PARD3B: variants seen among roughly 807,000 people sequenced by gnomAD.
The protein encoded by PARD3B is partitioning defective 3 homolog B.
A neutral mutation model predicts 130.2 loss-of-function variants in PARD3B; 103 were observed. The observed-to-expected ratio is 0.79, with a 90% CI of 0.67 to 0.93. PARD3B has a LOEUF of 0.93. Among genes scored for constraint, PARD3B ranks in the 40% least tolerant of loss-of-function variants. PARD3B has a pLI of 0.00. For missense variants in PARD3B, 1,609 were observed against 1,499.2 expected (o/e 1.07, Z -1.21); for synonymous variants, 583 against 553.2 (o/e 1.05, Z -0.76).
intron 16 of PARD3B, among the ~76,000 whole-genome samples, chr2:205,279,095 A>AAAAG (rs2041087997): frequency 6.6e-6 from 1 of 150,818 alleles, no homozygotes; most frequent in Admixed American, 6.6e-5. Flanking sequence ...AAAAAAAAAA[A>AAAAG]ACAGTTGTTC....
chr2:204,640,576 TGTG>T (rs112945331), intron 1 of PARD3B, among the ~76,000 whole-genome samples: 5,746 of 152,166 alleles, frequency 0.038, 365 homozygotes, highest in African/African-American at 0.13. Context: ...GCTAAGTTCT[TGTG>T]GTGACTAGAC....
intron 1 of PARD3B, among the ~76,000 whole-genome samples, chr2:204,574,347 A>G (rs2032149639): frequency 1.3e-5 from 2 of 152,188 alleles, no homozygotes; most frequent in Admixed American, 1.3e-4. Flanking sequence ...TACTTTATTC[A>G]TAATAAATTT....
At chr2:205,053,469 T>G (rs1477944604) in intron 4 of PARD3B, among the ~76,000 whole-genome samples, 1 of 151,876 alleles carries the variant, frequency 6.6e-6, no homozygotes, top group Non-Finnish European at 1.5e-5. Flanking sequence ...AGACCCCGTC[T>G]CTACTAAAAA....
Position 204,686,257 on chromosome 2 carries a change from C to T in PARD3B, c.197C>T (p.Ala66Val), listed in dbSNP as rs773240586. The change falls in exon 2 of 23, where the codon GCA (alanine) becomes GTA (valine). Residue 66 changes from alanine to valine, a missense_variant. Physicochemically the swap from Ala to Val is moderately conservative, Grantham distance 64 (BLOSUM62 0). Transcript: ENST00000406610. ...ATCCTGGATCCAGATGATGTCTTGG[C>T]AGATGTTGTTGAAGATAAAGACAAG... ...GGILDPDDVL[A>V]DVVEDKDKLI... 2 of 1,611,500 alleles carry T rather than the reference C, an allele frequency of 1.2e-6. No homozygotes were observed. The highest frequency in any genetic ancestry group is 1.1e-5 in the South Asian group (1 of 91,032).
intron 1 of PARD3B, among the ~76,000 whole-genome samples, chr2:204,634,879 G>A (rs1253137061): frequency 6.6e-6 from 1 of 152,042 alleles, no homozygotes; most frequent in Non-Finnish European, 1.5e-5. Flanking sequence ...TCATTCATTA[G>A]CTAGAATAGT....
At chr2:204,579,062 T>C (rs1179225195) in intron 1 of PARD3B, among the ~76,000 whole-genome samples, 1 of 151,846 alleles carries the variant, frequency 6.6e-6, no homozygotes, top group African/African-American at 2.4e-5. Flanking sequence ...GAGAACCAGC[T>C]TAGGCAAAAG....
chr2:204,642,206 G>A (rs1227930985), intron 1 of PARD3B, among the ~76,000 whole-genome samples: 1 of 152,178 alleles, frequency 6.6e-6, no homozygotes, highest in Non-Finnish European at 1.5e-5. Context: ...ATCTATGGGT[G>A]CACTGGTCTC....
intron 18 of PARD3B, among the ~76,000 whole-genome samples, chr2:205,314,512 G>T (rs1044436907): frequency 1.3e-5 from 2 of 152,152 alleles, no homozygotes; most frequent in Non-Finnish European, 2.9e-5. Flanking sequence ...ACATGAGATG[G>T]TTCCTAATGA....
At chr2:205,166,010 C>G (rs1389907817) in intron 11 of PARD3B, among the ~76,000 whole-genome samples, 1 of 152,004 alleles carries the variant, frequency 6.6e-6, no homozygotes, top group African/African-American at 2.4e-5. Flanking sequence ...GTTCGTGACT[C>G]TCTCATAGTT....
chr2:205,429,873 ATCT>A (rs1311163008), intron 19 of PARD3B, among the ~76,000 whole-genome samples: 1 of 152,098 alleles, frequency 6.6e-6, no homozygotes, highest in Non-Finnish European at 1.5e-5. Flanking sequence ...AATCTGTTCC[ATCT>A]TCTTCTGTGC....
intron 2 of PARD3B, among the ~76,000 whole-genome samples, chr2:204,879,426 G>C (rs2045958438): frequency 6.6e-6 from 1 of 152,182 alleles, no homozygotes; most frequent in South Asian, 2.1e-4. Context: ...GCTCTGGACT[G>C]TGAGGAAGGA....
chr2:205,300,837 A>G lies in PARD3B; in HGVS notation c.2392+101A>G, dbSNP rs2041970997. On this transcript the variant is annotated intron_variant, in intron 17 of 22. Transcript: ENST00000406610. This position sits in a 1 kb window ranked among gnomAD's most constrained non-coding sequence, Gnocchi z 4.1. Reference sequence around the variant, plus strand: ...AACTACAGAAAAAAATGATTTAAGGATCACAATTATATTTTTGATATTAAA... The same window carrying G: ...AACTACAGAAAAAAATGATTTAAGGGTCACAATTATATTTTTGATATTAAA... 3 of 1,206,108 alleles carry G rather than the reference A, an allele frequency of 2.5e-6. No homozygotes were observed. The highest frequency in any genetic ancestry group is 5.1e-5 in the Admixed American group (2 of 39,232). 74.7% of individuals were successfully genotyped at this position (1,206,108 alleles called of 1,614,324 possible). A position where few individuals can be genotyped will look rare whatever the true frequency, so the allele number is the denominator to read the frequency against.
intron 2 of PARD3B, among the ~76,000 whole-genome samples, chr2:204,931,070 C>A (rs903566096): frequency 2.0e-5 from 3 of 151,714 alleles, no homozygotes; most frequent in Admixed American, 6.6e-5. Context: ...GGCTGGATGC[C>A]GATAGAAGGA....
At chr2:204,865,225 A>G (rs925048773) in intron 2 of PARD3B, among the ~76,000 whole-genome samples, 7 of 152,218 alleles carry the variant, frequency 4.6e-5, no homozygotes, top group African/African-American at 1.7e-4. Context: ...TTCTTAAAGA[A>G]CTAAAAGTAG....
intron 18 of PARD3B, among the ~76,000 whole-genome samples, chr2:205,373,775 C>T (rs1005274629): frequency 5.9e-5 from 9 of 152,118 alleles, no homozygotes; most frequent in African/African-American, 2.2e-4. Flanking sequence ...ACTTAGTATC[C>T]AGTAAAGGTT....
intron 15 of PARD3B, among the ~76,000 whole-genome samples, chr2:205,231,160 A>G (rs916603080): frequency 1.1e-4 from 16 of 151,986 alleles, no homozygotes; most frequent in Non-Finnish European, 1.5e-4. Context: ...TGTGTCTAGT[A>G]GTTCAATTCG....
At position 205,121,720 on chromosome 2, in the gene PARD3B, C is replaced by T. The variant is rs769410633; in HGVS notation, c.936C>T (p.Gly312=). 1.4e-5 allele frequency: 22 copies of T among 1,613,936 alleles called. No individual in the cohort carries two copies. The highest frequency in any genetic ancestry group is 9.9e-5 in the South Asian group (9 of 91,076). Residue 312 remains glycine (G), a synonymous_variant, in exon 8 of 23, where the codon GGC becomes GGT. Coordinates refer to ENST00000406610, the MANE Select transcript of PARD3B (RefSeq NM_001302769.2). This position sits in a 1 kb window ranked among gnomAD's most constrained non-coding sequence, Gnocchi z 5.0. ...TTAACATTTTTGGTAATAATGATGG[C>T]GTTTTGAAAACCAAAGTGCCGCCTC... ...GSLNIFGNND[G]VLKTKVPPPV... is the part of the protein sequence containing the mutation.
At chr2:205,481,968 A>C (rs1225275474) in intron 20 of PARD3B, among the ~76,000 whole-genome samples, 2 of 152,224 alleles carry the variant, frequency 1.3e-5, no homozygotes, top group African/African-American at 4.8e-5. Flanking sequence ...TCAAGTGTGG[A>C]GCAAGGGTGA....
chr2:205,149,118 T>C (rs372335273), intron 10 of PARD3B, among the ~76,000 whole-genome samples: 15 of 152,308 alleles, frequency 9.8e-5, no homozygotes, highest in African/African-American at 3.6e-4. Context: ...CTTAAGGTAA[T>C]AGTATGGATG....
Sources: allele counts gnomAD v4.1 joint callset (sites outside exome capture counted in the v4.1 genomes callset), GRCh38; gene constraint gnomAD v4.1.1; non-coding constraint Gnocchi (gnomAD v3.1); transcripts MANE v1.5; gene names NCBI Gene and HGNC (gene_info 2026-07-23, HGNC 2026-07-21).